Variants in YPEL1 observed in about 807,000 individuals in gnomAD.
The protein encoded by YPEL1 is protein yippee-like 1.
In YPEL1, 7 loss-of-function variants were observed where a neutral mutation model predicts 17.3. The ratio of observed to expected loss-of-function variants is 0.40; its 90% CI spans 0.23 to 0.76. YPEL1 has a LOEUF of 0.76. Among genes scored for constraint, YPEL1 ranks in the 30% least tolerant of loss-of-function variants. The probability of loss-of-function intolerance (pLI) is 0.35; values close to 1 mark genes in which losing one functional copy is unlikely to be tolerated. For synonymous variants in YPEL1, 59 were observed against 59.6 expected, an observed-to-expected ratio of 0.99 and a Z score of 0.05; for missense variants, 91 against 155.5, an observed-to-expected ratio of 0.59 and a Z score of 2.21.
chr22:21,717,145 CG>C (rs999891495), intron 1 of YPEL1, among the ~76,000 whole-genome samples: 6 of 68,782 alleles, frequency 8.7e-5, no homozygotes, highest in African/African-American at 2.8e-4. Flanking sequence ...GCTGGGGGGG[CG>C]GGGGGCGGAT....
chr22:21,725,985 C>T (rs1461440249), intron 1 of YPEL1, among the ~76,000 whole-genome samples: 1 of 152,060 alleles, frequency 6.6e-6, no homozygotes, highest in African/African-American at 2.4e-5. Context: ...GGCAACAGAC[C>T]GAGACCGTGT....
In YPEL1 at chr22:21,731,538, G is replaced by GA. The variant is rs1555906330; in HGVS notation, c.-165+4076_-165+4077insT. Among the ~76,000 whole-genome samples the GA allele has an allele frequency of 2.2e-3, 308 of 137,884 alleles. 2 individuals are homozygous for GA. Among genetic ancestry groups the GA allele is most frequent in the Admixed American group, 4.8e-3 (66 of 13,688 alleles). 90.5% of individuals were successfully genotyped at this position (137,884 alleles called of 152,430 possible). On this transcript the variant is annotated intron_variant, in intron 1 of 4. Coordinates refer to ENST00000339468, the MANE Select transcript of YPEL1 (RefSeq NM_013313.5). ...CCCTGTCTTGGGGCAAGAGAAGGGG[G>GA]GAAAAAAAAAAAAAAAAACAGATAC...
intron 1 of YPEL1, among the ~76,000 whole-genome samples, chr22:21,712,414 A>G (rs2068177349): frequency 6.6e-6 from 1 of 150,942 alleles, no homozygotes; most frequent in African/African-American, 2.4e-5. Context: ...TCAAACAAAC[A>G]GGTTAAAAAA....
At chr22:21,714,895 A>C (rs2068206059) in intron 1 of YPEL1, among the ~76,000 whole-genome samples, 1 of 152,086 alleles carries the variant, frequency 6.6e-6, no homozygotes, top group South Asian at 2.1e-4. Context: ...TCTTTGTCAC[A>C]TTTTCTATTA....
chr22:21,723,217 C>CA (rs2068300708), intron 1 of YPEL1: 1 of 151,262 alleles, frequency 6.6e-6, no homozygotes, highest in Non-Finnish European at 1.5e-5. Context: ...TTTTTTGAGA[C>CA]AGAGTCTCAC....
Position 21,698,331 on chromosome 22 carries a change from GAC to G in YPEL1, c.*2796_*2797del, listed in dbSNP as rs1386679553. On this transcript the variant is annotated 3_prime_UTR_variant, in exon 5 of 5. Transcript: ENST00000339468. Reference sequence around the variant, plus strand: ...ATGTTCAATCAATGCCGTCACAAAAGACAGTACAAAAACCAAAGTGCCCAAAT... The same window carrying G: ...ATGTTCAATCAATGCCGTCACAAAAGAGTACAAAAACCAAAGTGCCCAAAT... The G allele has an allele frequency of 2.0e-5, 3 of 148,440 alleles. No individual in the cohort carries two copies. Among genetic ancestry groups the G allele is most frequent in the Admixed American group, 6.7e-5 (1 of 14,888 alleles). 9.2% of individuals were successfully genotyped at this position (148,440 alleles called of 1,614,324 possible). A position where few individuals can be genotyped will look rare whatever the true frequency, so the allele number is the denominator to read the frequency against.
At chr22:21,722,451 C>G (rs1266186949) in intron 1 of YPEL1, among the ~76,000 whole-genome samples, 1 of 148,480 alleles carries the variant, frequency 6.7e-6, no homozygotes, top group African/African-American at 2.4e-5. Context: ...CCTGTCTCTA[C>G]TAAAAATACA....
intron 4 of YPEL1, among the ~76,000 whole-genome samples, chr22:21,701,870 C>T (rs74406969): frequency 1.3e-5 from 2 of 151,960 alleles, no homozygotes; most frequent in Admixed American, 6.6e-5. Flanking sequence ...GACAAGCCTA[C>T]GCAACACAGT....
At chr22:21,734,517 G>A (rs2068418341) in intron 1 of YPEL1, among the ~76,000 whole-genome samples, 1 of 152,162 alleles carries the variant, frequency 6.6e-6, no homozygotes, top group Non-Finnish European at 1.5e-5. Flanking sequence ...TTATATAAAT[G>A]CTCAATATGG....
At position 21,711,767 on chromosome 22, in the gene YPEL1, G is replaced by A. The variant is rs1485333486; in HGVS notation, c.-164-859C>T. Among the ~76,000 whole-genome samples the A allele has an allele frequency of 3.3e-5, 5 of 152,190 alleles. 1 individual carries two copies. The highest frequency in any genetic ancestry group is 1.2e-4 in the African/African-American group (5 of 41,450). ...GAGAGCTAAGACTATAAAACTCTTA[G>A]AAGGAAACACAGGGGAAAAGCTTCA... is the stretch of plus-strand genomic sequence containing the variant. On this transcript the variant is annotated intron_variant, in intron 1 of 4. Coordinates refer to ENST00000339468, the MANE Select transcript of YPEL1 (RefSeq NM_013313.5).
At chr22:21,708,926 G>A (rs1472855132) in intron 2 of YPEL1, among the ~76,000 whole-genome samples, 1 of 151,434 alleles carries the variant, frequency 6.6e-6, no homozygotes. Flanking sequence ...CGCCCACCTC[G>A]GTCTCCCAAA....
At chr22:21,723,632 G>T (rs985690730) in intron 1 of YPEL1, among the ~76,000 whole-genome samples, 1 of 151,754 alleles carries the variant, frequency 6.6e-6, no homozygotes, top group Non-Finnish European at 1.5e-5. Context: ...CTCCCAAAGT[G>T]CTAGGATTAC....
intron 2 of YPEL1, among the ~76,000 whole-genome samples, chr22:21,710,011 CATG>C (rs1055026356): frequency 1.3e-5 from 2 of 152,132 alleles, no homozygotes; most frequent in African/African-American, 4.8e-5. Flanking sequence ...TCAGCTCCTC[CATG>C]ATGTTTGGCC....
intron 1 of YPEL1, among the ~76,000 whole-genome samples, chr22:21,731,617 T>C (rs890346367): frequency 2.0e-5 from 3 of 150,048 alleles, no homozygotes; most frequent in African/African-American, 4.9e-5. Flanking sequence ...CGGGGGTATA[T>C]GCCAATGCTG....
chr22:21,706,700 G>T (rs1272293863), intron 2 of YPEL1, among the ~76,000 whole-genome samples: 1 of 151,946 alleles, frequency 6.6e-6, no homozygotes, highest in Non-Finnish European at 1.5e-5. Context: ...ATAAAAATTA[G>T]CAGGGCATGG....
chr22:21,703,297 C>A lies in YPEL1; in HGVS notation c.270+73G>T, dbSNP rs1030725672. ...GACTGGTACCATGGGCCACACTGCA[C>A]GGGGAGGTGTGGCTCAGTGGCAACT... On this transcript the variant is annotated intron_variant, in intron 4 of 4. Coordinates refer to ENST00000339468, the MANE Select transcript of YPEL1 (RefSeq NM_013313.5). This position sits in a 1 kb window ranked among gnomAD's most constrained non-coding sequence, Gnocchi z 6.1. 7.5e-7 allele frequency: 1 copy of A among 1,330,058 alleles called. No homozygotes were observed. The highest frequency in any genetic ancestry group is 1.1e-6 in the Non-Finnish European group (1 of 930,714). The allele number at this position is 1,330,058 out of a possible 1,614,324, so 82.4% of individuals were successfully genotyped here.
chr22:21,721,401 A>C (rs1421035364), intron 1 of YPEL1, among the ~76,000 whole-genome samples: 1 of 141,520 alleles, frequency 7.1e-6, no homozygotes, highest in African/African-American at 2.7e-5. Flanking sequence ...TACAGCAGTG[A>C]GCCACCATGC....
intron 2 of YPEL1, among the ~76,000 whole-genome samples, chr22:21,709,862 T>C (rs2068148789): frequency 6.6e-6 from 1 of 151,072 alleles, no homozygotes; most frequent in African/African-American, 2.4e-5. Context: ...GGGGAGGTCA[T>C]GACCTGTGAG....
chr22:21,733,365 G>A (rs556510731), intron 1 of YPEL1, among the ~76,000 whole-genome samples: 13 of 152,192 alleles, frequency 8.5e-5, no homozygotes, highest in African/African-American at 2.6e-4. Flanking sequence ...GCAGTGAGCC[G>A]AGATCATGCC....
Sources: allele counts gnomAD v4.1 joint callset (sites outside exome capture counted in the v4.1 genomes callset), GRCh38; gene constraint gnomAD v4.1.1; non-coding constraint Gnocchi (gnomAD v3.1); transcripts MANE v1.5; gene names NCBI Gene and HGNC (gene_info 2026-07-23, HGNC 2026-07-21).